QTMAN: variants seen among roughly 807,000 people sequenced by gnomAD.
QTMAN encodes queuosine-tRNA mannosyltransferase.
chr2:144,116,704 A>G, the QTMAN span, among the ~76,000 whole-genome samples: 8 of 152,192 alleles, frequency 5.3e-5, no homozygotes, highest in African/African-American at 1.4e-4. Flanking sequence ...TTGTATCTTC[A>G]TATCACTGTA....
chr2:144,297,660 A>T, the QTMAN span, among the ~76,000 whole-genome samples: 1 of 146,816 alleles, frequency 6.8e-6, no homozygotes, highest in Non-Finnish European at 1.5e-5. Flanking sequence ...GGCTCACTGC[A>T]ATCTCCACCT....
At chr2:144,046,311 T>A in the QTMAN span, among the ~76,000 whole-genome samples, 2 of 152,260 alleles carry the variant, frequency 1.3e-5, no homozygotes, top group African/African-American at 4.8e-5. Context: ...TAAGAAATAG[T>A]AAAGGTTAAT....
chr2:144,021,863 G>C, the QTMAN span, among the ~76,000 whole-genome samples: 1 of 152,062 alleles, frequency 6.6e-6, no homozygotes, highest in African/African-American at 2.4e-5. Flanking sequence ...AATAGGGTGA[G>C]GGAAAATGTG....
chr2:144,210,354 C>A, the QTMAN span, among the ~76,000 whole-genome samples: 1 of 152,086 alleles, frequency 6.6e-6, no homozygotes, highest in Non-Finnish European at 1.5e-5. Flanking sequence ...AGGTATTTAG[C>A]CCATCCCACC....
the QTMAN span, chr2:143,951,904 T>A: frequency 1.3e-6 from 1 of 742,906 alleles, no homozygotes; most frequent in South Asian, 1.6e-5. Flanking sequence ...AGTATGTTAA[T>A]TAAATGTTTT....
At chr2:144,254,093 G>A in the QTMAN span, among the ~76,000 whole-genome samples, 4 of 152,212 alleles carry the variant, frequency 2.6e-5, no homozygotes, top group East Asian at 1.9e-4. Flanking sequence ...TAGCTTCCAC[G>A]TAATGTTGGT....
chr2:144,053,628 A>C, the QTMAN span, among the ~76,000 whole-genome samples: 2 of 152,216 alleles, frequency 1.3e-5, no homozygotes, highest in Non-Finnish European at 2.9e-5. Context: ...GCTTATTCTC[A>C]GAATAAATCA....
chr2:144,282,109 C>T, the QTMAN span, among the ~76,000 whole-genome samples: 1 of 152,164 alleles, frequency 6.6e-6, no homozygotes, highest in Admixed American at 6.5e-5. Flanking sequence ...AAGGACCCTG[C>T]ACCTGGTTTA....
the QTMAN span, among the ~76,000 whole-genome samples, chr2:144,036,077 C>T: frequency 2.6e-5 from 4 of 152,188 alleles, no homozygotes; most frequent in African/African-American, 7.2e-5. Context: ...TCCTTTTGTA[C>T]TGTATACAAT....
the QTMAN span, among the ~76,000 whole-genome samples, chr2:144,253,389 A>G: frequency 2.0e-5 from 3 of 152,120 alleles, no homozygotes; most frequent in African/African-American, 7.2e-5. Flanking sequence ...ACGACTTTGG[A>G]ATTGGGTAAC....
At chr2:144,249,384 A>G in the QTMAN span, among the ~76,000 whole-genome samples, 1 of 152,226 alleles carries the variant, frequency 6.6e-6, no homozygotes, top group Admixed American at 6.5e-5. Context: ...GCACGCTTTC[A>G]GAATAGACCA....
the QTMAN span, among the ~76,000 whole-genome samples, chr2:144,241,591 C>T: frequency 2.7e-4 from 41 of 152,166 alleles, 3 homozygotes; most frequent in South Asian, 8.1e-3. Context: ...TAAAATTCCA[C>T]AATTACTGCT....
At chr2:144,017,331 G>C in the QTMAN span, among the ~76,000 whole-genome samples, 31 of 152,118 alleles carry the variant, frequency 2.0e-4, no homozygotes, top group African/African-American at 7.5e-4. Flanking sequence ...AAATTAAAAT[G>C]AATAAAAAAA....
chr2:144,011,352 C>A, the QTMAN span, among the ~76,000 whole-genome samples: 2 of 152,078 alleles, frequency 1.3e-5, no homozygotes, highest in Non-Finnish European at 2.9e-5. Flanking sequence ...CCATCCCACA[C>A]AATCTATTCT....
At chr2:144,032,307 C>A in the QTMAN span, among the ~76,000 whole-genome samples, 9 of 152,158 alleles carry the variant, frequency 5.9e-5, no homozygotes, top group Non-Finnish European at 1.0e-4. Context: ...TTACCGTTAG[C>A]ATTAATATAG....
chr2:144,290,015 C>T, the QTMAN span, among the ~76,000 whole-genome samples: 3 of 152,194 alleles, frequency 2.0e-5, no homozygotes, highest in Admixed American at 6.5e-5. Flanking sequence ...TTCAGCCAAT[C>T]AAAGACAGCC....
the QTMAN span, among the ~76,000 whole-genome samples, chr2:144,228,198 T>G: frequency 1.3e-5 from 2 of 152,208 alleles, no homozygotes; most frequent in African/African-American, 4.8e-5. Context: ...TTTAAATTAA[T>G]GTCAGTAAGA....
chr2:143,958,782 C>CTTT, the QTMAN span, among the ~76,000 whole-genome samples: 10 of 113,334 alleles, frequency 8.8e-5, no homozygotes, highest in African/African-American at 1.9e-4. Context: ...TTCTTTCTTT[C>CTTT]TTTTTTTTTT....
At chr2:144,014,404 A>G in the QTMAN span, among the ~76,000 whole-genome samples, 1 of 152,222 alleles carries the variant, frequency 6.6e-6, no homozygotes, top group Non-Finnish European at 1.5e-5. Flanking sequence ...ACAAACTTTT[A>G]AAGCCAACAT....
Sources: gnomAD v4.1 joint callset for allele counts (sites outside exome capture counted in the v4.1 genomes callset) on GRCh38, gnomAD v4.1.1 for gene constraint, MANE v1.5 for transcripts, NCBI Gene and HGNC (gene_info 2026-07-23, HGNC 2026-07-21) for gene names.